The following SIRT1 variants were observed in gnomAD, a reference collection of about 807,000 sequenced individuals.
SIRT1 encodes the protein NAD-dependent protein deacetylase sirtuin-1.
Under a neutral mutation model 67.9 loss-of-function variants are expected in SIRT1, and 24 were observed. The observed-to-expected ratio is 0.35, with a 90% CI of 0.26 to 0.50. SIRT1 has a LOEUF of 0.50. Among genes scored for constraint, SIRT1 ranks in the 20% least tolerant of loss-of-function variants. SIRT1 has a pLI of 0.98. For missense variants in SIRT1, 873 were observed against 937.2 expected (o/e 0.93, Z 0.89); for synonymous variants, 378 against 350.7 (o/e 1.08, Z -0.87).
chr10:67,896,806 C>A (rs530710082), intron 4 of SIRT1, among the ~76,000 whole-genome samples: 1 of 148,196 alleles, frequency 6.7e-6, no homozygotes, highest in Non-Finnish European at 1.5e-5. Context: ...TCTCCACCTA[C>A]GTTTGTATCC....
intron 4 of SIRT1, chr10:67,906,258 T>TG: frequency 6.3e-7 from 1 of 1,586,156 alleles, no homozygotes; most frequent in East Asian, 2.3e-5. Context: ...TACCAGTATG[T>TG]GCCTGTGCAG....
intron 4 of SIRT1, among the ~76,000 whole-genome samples, chr10:67,900,043 T>C (rs998329034): frequency 3.1e-4 from 47 of 152,088 alleles, no homozygotes; most frequent in African/African-American, 1.1e-3. Flanking sequence ...AATAATATGC[T>C]GCTGTACTCC....
intron 4 of SIRT1, among the ~76,000 whole-genome samples, chr10:67,899,470 A>C (rs1195326819): frequency 6.6e-6 from 1 of 151,912 alleles, no homozygotes; most frequent in Non-Finnish European, 1.5e-5. Context: ...AATGGTTACC[A>C]TGGTGAAACT....
chr10:67,887,356 G>C, intron 1 of SIRT1, 61 bp from the exon 2 acceptor site: 1 of 1,031,386 alleles, frequency 9.7e-7, no homozygotes, highest in Non-Finnish European at 1.5e-6. Flanking sequence ...CTCTATAACC[G>C]TTCATACATT....
chr10:67,916,423 G>A lies in SIRT1; in HGVS notation c.2074G>A (p.Glu692Lys). 1 of 1,614,194 alleles carries A rather than the reference G, an allele frequency of 6.2e-7. No individual in the cohort carries two copies. Among genetic ancestry groups the A allele is most frequent in the Non-Finnish European group, 8.5e-7 (1 of 1,180,038 alleles). ...AAGTTTAGAAGAACCCATGGAGGAT[G>A]AAAGTGAAATTGAAGAATTCTACAA... ...SPSLEEPMED[E>K]SEIEEFYNGL... is the part of the protein sequence containing the mutation. Residue 692 changes from glutamate to lysine, a missense_variant, in exon 9 of 9, where the codon GAA becomes AAA. Physicochemically the swap from Glu to Lys is moderately conservative, Grantham distance 56. Transcript: ENST00000212015.
At chr10:67,909,577 T>A in intron 7 of SIRT1, 135 bp downstream of exon 7, 1 of 770,462 alleles carries the variant, frequency 1.3e-6, no homozygotes. Flanking sequence ...AGAAATTGTT[T>A]GTTTGTTTGT....
At chr10:67,895,746 T>C (rs1202084406) in intron 4 of SIRT1, among the ~76,000 whole-genome samples, 12 of 91,834 alleles carry the variant, frequency 1.3e-4, no homozygotes, top group Admixed American at 5.7e-4. Flanking sequence ...TTTTTTTTTT[T>C]TGTTTTTTTT....
At chr10:67,916,167 TAATA>T (rs2029905725) in intron 8 of SIRT1, 94 bp from the exon 9 acceptor site, 2 of 1,068,398 alleles carry the variant, frequency 1.9e-6, no homozygotes, top group South Asian at 1.6e-5. Flanking sequence ...AGGACACTTA[TAATA>T]AAGGCAGAGC....
Position 67,914,059 on chromosome 10 carries a change from A to ATTTTTT in SIRT1, c.1915+1053_1915+1058dup, listed in dbSNP as rs57073724. Among the ~76,000 whole-genome samples the ATTTTTT allele has an allele frequency of 1.3e-3, 113 of 88,238 alleles. 10 individuals are homozygous for ATTTTTT. Among genetic ancestry groups the ATTTTTT allele is most frequent in the African/African-American group, 5.7e-3 (111 of 19,454 alleles). 57.9% of individuals were successfully genotyped at this position (88,238 alleles called of 152,430 possible). A position where few individuals can be genotyped will look rare whatever the true frequency, so the allele number is the denominator to read the frequency against. On this transcript the variant is annotated intron_variant, in intron 8 of 8. Coordinates refer to ENST00000212015, the MANE Select transcript of SIRT1 (RefSeq NM_012238.5). ...GAACAAAACATCACACAAAAGGTAG[A>ATTTTTT]TTTTTTTTTTTTTTTTTTTTTTTTT... is the stretch of plus-strand genomic sequence containing the variant.
chr10:67,905,672 G>T (rs945701647), intron 4 of SIRT1, among the ~76,000 whole-genome samples: 1 of 152,146 alleles, frequency 6.6e-6, no homozygotes, highest in African/African-American at 2.4e-5. Context: ...CTTACAGCCT[G>T]TTTGTATCCT....
At chr10:67,904,726 C>T (rs1445391509) in intron 4 of SIRT1, among the ~76,000 whole-genome samples, 1 of 152,004 alleles carries the variant, frequency 6.6e-6, no homozygotes, top group Non-Finnish European at 1.5e-5. Context: ...TGCCTGTAAT[C>T]CCAGCTATTC....
intron 1 of SIRT1, chr10:67,885,538 C>G: frequency 1.8e-6 from 1 of 555,662 alleles, no homozygotes; most frequent in Non-Finnish European, 2.3e-6. Context: ...CCCCCCAGCA[C>G]ACTTAAGTCT....
rs4746720 is a variant in SIRT1, at chr10:67,917,073, T to C, written c.*480T>C. The stretch of plus-strand genomic sequence containing the variant: ...ACTCAAAATCTGTTACGCTAAACTT[T>C]TGATTCTTTAACACAATTATTTTTA... On this transcript the variant is annotated 3_prime_UTR_variant, in exon 9 of 9. Coordinates refer to ENST00000212015, the MANE Select transcript of SIRT1 (RefSeq NM_012238.5). 0.03 allele frequency: 4,622 copies of C among 152,736 alleles called. 532 individuals are homozygous for C. In the East Asian group the frequency reaches 0.41, roughly 14 times the overall value. The allele number at this position is 152,736 out of a possible 1,614,324, so 9.5% of individuals were successfully genotyped here.
intron 4 of SIRT1, among the ~76,000 whole-genome samples, chr10:67,896,761 C>CAAAA (rs35899726): frequency 7.0e-5 from 4 of 56,748 alleles, no homozygotes; most frequent in East Asian, 4.5e-4. Flanking sequence ...GAATCTGTCT[C>CAAAA]AAAAAAAAAA....
At chr10:67,904,760 C>T (rs1842796000) in intron 4 of SIRT1, among the ~76,000 whole-genome samples, 1 of 151,710 alleles carries the variant, frequency 6.6e-6, no homozygotes, top group Non-Finnish European at 1.5e-5. Context: ...AGGAGAATCA[C>T]TTGAACCCGG....
chr10:67,907,511 AAAAG>A (rs71468895), intron 5 of SIRT1, among the ~76,000 whole-genome samples: 15,498 of 148,708 alleles, frequency 0.1, 840 homozygotes, highest in South Asian at 0.14. Context: ...AAAAAAAAGA[AAAAG>A]AAATTCTGAA....
At chr10:67,888,705 C>T (rs1392319279) in intron 2 of SIRT1, among the ~76,000 whole-genome samples, 177 bp from the exon 3 acceptor site, 1 of 152,096 alleles carries the variant, frequency 6.6e-6, no homozygotes, top group Non-Finnish European at 1.5e-5. Context: ...TTAGATCTTC[C>T]TAATCTCATT....
chr10:67,910,891 A>G (rs1401684852), intron 7 of SIRT1, among the ~76,000 whole-genome samples: 1 of 152,196 alleles, frequency 6.6e-6, no homozygotes, highest in Non-Finnish European at 1.5e-5. Context: ...TAAGTGAGGG[A>G]AAGAGGAGAG....
intron 7 of SIRT1, 55 bp from the exon 8 acceptor site, chr10:67,912,419 T>C (rs1359190088): frequency 6.8e-7 from 1 of 1,477,036 alleles, no homozygotes; most frequent in Non-Finnish European, 9.1e-7. Context: ...GTTGTGGTTT[T>C]ATTAGCTTAC....
Sources: allele counts gnomAD v4.1 joint callset (sites outside exome capture counted in the v4.1 genomes callset), GRCh38; gene constraint gnomAD v4.1.1; transcripts MANE v1.5; gene names NCBI Gene and HGNC (gene_info 2026-07-23, HGNC 2026-07-21).